ASAP2: variants seen among roughly 807,000 people sequenced by gnomAD.
ASAP2 encodes the protein ArfGAP with SH3 domain, ankyrin repeat and PH domain 2.
ASAP2 carries 45 observed loss-of-function variants against 131.4 expected under a neutral mutation model. The ratio of observed to expected loss-of-function variants is 0.34; its 90% CI spans 0.27 to 0.44. The LOEUF (loss-of-function observed/expected upper bound fraction) is 0.44, where lower values mean the gene tolerates loss of function less well. ASAP2 is among the 20% of genes least tolerant of loss of function. The pLI is 1.00. For synonymous variants in ASAP2, 510 were observed against 503.0 expected (o/e 1.01, Z -0.19); for missense variants, 1,011 against 1,297.0 (o/e 0.78, Z 3.39).
At chr2:9,208,661 A>G (rs1661320598) in intron 1 of ASAP2, among the ~76,000 whole-genome samples, 1 of 152,236 alleles carries the variant, frequency 6.6e-6, no homozygotes, top group Non-Finnish European at 1.5e-5. Flanking sequence ...GTGATTCCCC[A>G]GATCACTTAA....
intron 9 of ASAP2, among the ~76,000 whole-genome samples, chr2:9,339,054 G>C (rs540973408): frequency 1.3e-5 from 2 of 152,120 alleles, no homozygotes; most frequent in Admixed American, 1.3e-4. Flanking sequence ...TGACATGCAC[G>C]TGTAGTCCCA....
At chr2:9,271,637 A>G (rs983910573) in intron 1 of ASAP2, 10 of 927,294 alleles carry the variant, frequency 1.1e-5, no homozygotes, top group African/African-American at 3.3e-5. Flanking sequence ...ATACGATCCA[A>G]TTTCTTTTTC....
chr2:9,298,872 G>T (rs1668318071), intron 3 of ASAP2, among the ~76,000 whole-genome samples: 1 of 152,178 alleles, frequency 6.6e-6, no homozygotes, highest in Non-Finnish European at 1.5e-5. Context: ...CCAGCATGAG[G>T]GAGACCAGAA....
intron 23 of ASAP2, 92 bp downstream of exon 23, chr2:9,391,288 A>G: frequency 6.7e-7 from 1 of 1,502,452 alleles, no homozygotes; most frequent in South Asian, 1.3e-5. Flanking sequence ...CTGCCAGCAC[A>G]GACACGTGCC....
rs1247888245 is a variant in ASAP2, at chr2:9,385,228, T to C, written c.2017-17T>C. The stretch of plus-strand genomic sequence containing the variant: ...AGTGTATGAGCAACAGCACTGACCA[T>C]CCCTCTGTTCTCTCAGCTGACCCAA... On this transcript the variant is annotated splice_polypyrimidine_tract_variant and intron_variant, in intron 20 of 27. Coordinates refer to ENST00000281419, the MANE Select transcript of ASAP2 (RefSeq NM_003887.3). 4 of 1,583,216 alleles carry C rather than the reference T, an allele frequency of 2.5e-6. No homozygotes were observed. The highest frequency in any genetic ancestry group is 1.7e-5 in the Admixed American group (1 of 59,936).
chr2:9,368,608 T>G lies in ASAP2; in HGVS notation c.1556+89T>G, dbSNP rs902927703. 1.6e-5 allele frequency: 18 copies of G among 1,101,370 alleles called. No individual in the cohort carries two copies. In the African/African-American group the frequency reaches 2.6e-4, roughly 16 times the overall value. 68.2% of individuals were successfully genotyped at this position (1,101,370 alleles called of 1,614,324 possible). ...AGGCAGGGGAATAAGAAGTTTTGGGTGCATCCATCGTTGCTTCTTTAGGGA... is the reference window on the plus strand; with the variant it reads ...AGGCAGGGGAATAAGAAGTTTTGGGGGCATCCATCGTTGCTTCTTTAGGGA... On this transcript the variant is annotated intron_variant, in intron 16 of 27. Transcript: ENST00000281419.
intron 20 of ASAP2, among the ~76,000 whole-genome samples, chr2:9,383,579 A>G (rs1216330274): frequency 2.0e-5 from 3 of 152,144 alleles, no homozygotes; most frequent in Admixed American, 2.0e-4. Flanking sequence ...ACATTAATAG[A>G]GAGGCAAGCT....
chr2:9,300,077 A>T (rs1400365245), intron 3 of ASAP2, among the ~76,000 whole-genome samples: 1 of 152,226 alleles, frequency 6.6e-6, no homozygotes, highest in Non-Finnish European at 1.5e-5. Context: ...ACAAAAAAAT[A>T]CAAAACTTAG....
At chr2:9,378,462 T>C (rs1674571472) in intron 18 of ASAP2, among the ~76,000 whole-genome samples, 1 of 152,238 alleles carries the variant, frequency 6.6e-6, no homozygotes, top group African/African-American at 2.4e-5. Context: ...CTTTTCCCTT[T>C]CCTGGAGGGA....
intron 7 of ASAP2, among the ~76,000 whole-genome samples, chr2:9,328,738 C>T (rs769143553): frequency 6.6e-6 from 1 of 152,180 alleles, no homozygotes; most frequent in Admixed American, 6.5e-5. Context: ...CTGGCTCCTT[C>T]ACTCACCCAC....
chr2:9,284,363 T>G (rs1407774504), intron 2 of ASAP2, among the ~76,000 whole-genome samples: 2 of 152,202 alleles, frequency 1.3e-5, no homozygotes, highest in Non-Finnish European at 2.9e-5. Context: ...CTAGTAGTTT[T>G]GTATCTGTTG....
chr2:9,255,858 G>A (rs781428067), intron 1 of ASAP2, among the ~76,000 whole-genome samples: 6 of 152,176 alleles, frequency 3.9e-5, no homozygotes, highest in Non-Finnish European at 7.3e-5. Context: ...TGAAGTCTTG[G>A]TAAACATTGG....
intron 1 of ASAP2, among the ~76,000 whole-genome samples, chr2:9,224,308 A>G (rs2147994761): frequency 6.6e-6 from 1 of 152,230 alleles, no homozygotes; most frequent in Non-Finnish European, 1.5e-5. Flanking sequence ...TGCAGTTCTT[A>G]GTTTTCCTCT....
intron 11 of ASAP2, among the ~76,000 whole-genome samples, chr2:9,349,993 G>A (rs1672229624): frequency 6.6e-6 from 1 of 152,180 alleles, no homozygotes; most frequent in Admixed American, 6.5e-5. Context: ...TGGTAGGTGG[G>A]TAAGATAAGC....
intron 2 of ASAP2, among the ~76,000 whole-genome samples, chr2:9,284,556 CAT>C (rs1667345652): frequency 6.6e-6 from 1 of 152,158 alleles, no homozygotes; most frequent in Admixed American, 6.5e-5. Context: ...TCAATTTCCT[CAT>C]GTGTAAAATG....
chr2:9,319,567 G>C (rs1283885550), intron 4 of ASAP2, among the ~76,000 whole-genome samples: 3 of 152,370 alleles, frequency 2.0e-5, no homozygotes, highest in African/African-American at 7.2e-5. Context: ...AGGCTGCCAG[G>C]GTGCAGGAGG....
intron 21 of ASAP2, among the ~76,000 whole-genome samples, chr2:9,387,921 G>A (rs1227697227): frequency 6.6e-6 from 1 of 152,184 alleles, no homozygotes; most frequent in East Asian, 1.9e-4. Context: ...CGAGAGCAGG[G>A]AAAACTGCCT....
At chr2:9,318,274 T>C (rs1023393303) in intron 3 of ASAP2, among the ~76,000 whole-genome samples, 8 of 152,236 alleles carry the variant, frequency 5.3e-5, no homozygotes, top group Non-Finnish European at 7.3e-5. Context: ...TTTACAAACT[T>C]TCTAGCATAA....
At position 9,388,563 on chromosome 2, in the gene ASAP2, C is replaced by T; in HGVS notation, c.2383+17C>T. On this transcript the variant is annotated intron_variant, in intron 22 of 27. Coordinates refer to ENST00000281419, the MANE Select transcript of ASAP2 (RefSeq NM_003887.3). ...TTGGCAAAGGTATGAAGCTGTCCGT[C>T]ATCCCTGTGAATATATAGAGGGTCT... 1.2e-6 allele frequency: 2 copies of T among 1,607,360 alleles called. No individual in the cohort carries two copies. Among genetic ancestry groups the T allele is most frequent in the Non-Finnish European group, 1.7e-6 (2 of 1,178,128 alleles).
Sources: allele counts gnomAD v4.1 joint callset (sites outside exome capture counted in the v4.1 genomes callset), GRCh38; gene constraint gnomAD v4.1.1; transcripts MANE v1.5; gene names NCBI Gene and HGNC (gene_info 2026-07-23, HGNC 2026-07-21).